Variants in DZIP3 observed in about 807,000 individuals in gnomAD.
The protein encoded by DZIP3 is DAZ interacting zinc finger protein 3, also known as E3 ubiquitin-protein ligase DZIP3.
Under a neutral mutation model 162.0 loss-of-function variants are expected in DZIP3, and 118 were observed. The observed-to-expected ratio is 0.73, with a 90% CI of 0.63 to 0.85. The LOEUF (loss-of-function observed/expected upper bound fraction) is 0.85, where lower values mean the gene tolerates loss of function less well. DZIP3 is among the 40% of genes least tolerant of loss of function. The pLI, the probability that DZIP3 is intolerant of heterozygous loss-of-function variation, is 0.00. For missense variants in DZIP3, 1,331 were observed against 1,407.0 expected (o/e 0.95, Z 0.86); for synonymous variants, 438 against 458.6 (o/e 0.96, Z 0.57).
At position 108,677,569 on chromosome 3, in the gene DZIP3, C is replaced by T; in HGVS notation, c.2854C>T (p.Pro952Ser). The T allele has an allele frequency of 6.2e-7, 1 of 1,612,604 alleles. No individual in the cohort carries two copies. The change falls in exon 26 of 33, where the codon CCT becomes TCT. Residue 952 changes from proline to serine, a missense_variant. Physicochemically the swap from Pro to Ser is moderately conservative, Grantham distance 74. Around this residue, in one of 2 missense-constraint regions of DZIP3, gnomAD observed 1,278 missense variants for 1,317.1 expected, o/e 0.97. Coordinates refer to ENST00000361582, the MANE Select transcript of DZIP3 (RefSeq NM_014648.4). ...ALSTLPPVQLPPPPPSPEILM... is the reference protein window; with the variant it reads ...ALSTLPPVQLSPPPPSPEILM... Reference sequence around the variant, plus strand: ...GAGTACCTTGCCTCCAGTCCAGCTTCCTCCTCCACCACCCAGTCCTGAGAT... The same window carrying T: ...GAGTACCTTGCCTCCAGTCCAGCTTTCTCCTCCACCACCCAGTCCTGAGAT...
At chr3:108,683,173 G>A (rs1944379727) in intron 26 of DZIP3, among the ~76,000 whole-genome samples, 1 of 150,480 alleles carries the variant, frequency 6.6e-6, no homozygotes, top group African/African-American at 2.5e-5. Flanking sequence ...TTATGCTTTA[G>A]GATATATCCT....
intron 21 of DZIP3, among the ~76,000 whole-genome samples, chr3:108,668,047 G>A (rs1380532650): frequency 6.6e-6 from 1 of 152,088 alleles, no homozygotes; most frequent in African/African-American, 2.4e-5. Flanking sequence ...AATTGTAAAT[G>A]TTGGCTTCTT....
intron 32 of DZIP3, 85 bp downstream of exon 32, chr3:108,690,988 T>C (rs932222233): frequency 3.6e-6 from 4 of 1,125,186 alleles, no homozygotes; most frequent in Non-Finnish European, 3.9e-6. Context: ...TGCTCTTCAA[T>C]ATAGTGCTAA....
chr3:108,632,846 G>A, intron 8 of DZIP3, 107 bp from the exon 9 acceptor site: 1 of 549,912 alleles, frequency 1.8e-6, no homozygotes, highest in Non-Finnish European at 2.9e-6. Context: ...ACTTCGAAAA[G>A]GGATATGATA....
chr3:108,685,091 A>C (rs1420920257), intron 27 of DZIP3, among the ~76,000 whole-genome samples: 2 of 152,122 alleles, frequency 1.3e-5, no homozygotes, highest in African/African-American at 4.8e-5. Context: ...TCCTTTTGAA[A>C]TACATGGTCA....
chr3:108,658,915 T>C (rs1211145124), intron 19 of DZIP3, among the ~76,000 whole-genome samples: 2 of 151,810 alleles, frequency 1.3e-5, no homozygotes, highest in East Asian at 1.9e-4. Context: ...TTCCTCGACA[T>C]ATACACCCTC....
At chr3:108,590,062 G>C (rs1206435965) in intron 1 of DZIP3, 11 of 152,202 alleles carry the variant, frequency 7.2e-5, no homozygotes, top group Admixed American at 5.2e-4. Flanking sequence ...GCCAGGTATT[G>C]CTCCGGAGGG....
At chr3:108,631,584 T>C (rs1238764939) in intron 8 of DZIP3, among the ~76,000 whole-genome samples, 20 of 26,646 alleles carry the variant, frequency 7.5e-4, no homozygotes, top group African/African-American at 4.2e-3. Context: ...TATTATTCCC[T>C]TTTTTTTTTT....
rs902070417 is a variant in DZIP3 at position 108,688,472 on chromosome 3, T to C, written c.3271-121T>C. 2.6e-5 allele frequency: 30 copies of C among 1,152,708 alleles called. No homozygotes were observed. The African/African-American group carries it at 3.9e-4, about 15-fold the overall frequency. The allele number at this position is 1,152,708 out of a possible 1,614,324, so 71.4% of individuals were successfully genotyped here. On this transcript the variant is annotated intron_variant, in intron 29 of 32. Transcript: ENST00000361582. ...TTGCCACCATTTTGTTCAAGATTTC[T>C]CACAAATCTGATTATTTACCCTTTT...
At chr3:108,621,684 T>G (rs1941353785) in intron 5 of DZIP3, among the ~76,000 whole-genome samples, 1 of 152,174 alleles carries the variant, frequency 6.6e-6, no homozygotes, top group Non-Finnish European at 1.5e-5. Flanking sequence ...AAAACCACTA[T>G]GGCAAGCAGT....
At position 108,647,930 on chromosome 3, in the gene DZIP3, C is replaced by G. The variant is rs189496341; in HGVS notation, c.1793-13C>G. 8 of 1,489,158 alleles carry G rather than the reference C, an allele frequency of 5.4e-6. No individual in the cohort carries two copies. The highest frequency in any genetic ancestry group is 7.1e-6 in the Non-Finnish European group (8 of 1,122,456). 92.2% of individuals were successfully genotyped at this position (1,489,158 alleles called of 1,614,324 possible). ...TTCATCTAGATTTTGAGAATTTTGT[C>G]TTTTATGTTTAGGTATTGAAATAGA... On this transcript the variant is annotated splice_polypyrimidine_tract_variant and intron_variant, in intron 15 of 32. Transcript: ENST00000361582.
At chr3:108,668,326 A>G (rs1038005877) in intron 21 of DZIP3, among the ~76,000 whole-genome samples, 8 of 152,122 alleles carry the variant, frequency 5.3e-5, no homozygotes, top group Non-Finnish European at 1.2e-4. Context: ...AAGAAAATCT[A>G]GTAATTTCAT....
chr3:108,688,801 A>C (rs1236143946), intron 30 of DZIP3, 22 bp from the exon 31 acceptor site: 49 of 1,614,030 alleles, frequency 3.0e-5, no homozygotes, highest in Non-Finnish European at 4.2e-5. Flanking sequence ...GCTAAATTTA[A>C]CATTTTCTGT....
chr3:108,598,667 CCT>C (rs1939834299), intron 1 of DZIP3, among the ~76,000 whole-genome samples: 1 of 152,088 alleles, frequency 6.6e-6, no homozygotes, highest in East Asian at 1.9e-4. Flanking sequence ...ATTCCCATTC[CCT>C]ATTTGATTAC....
chr3:108,591,763 C>T (rs541170961), intron 1 of DZIP3, among the ~76,000 whole-genome samples: 36 of 152,092 alleles, frequency 2.4e-4, no homozygotes, highest in Non-Finnish European at 4.6e-4. Flanking sequence ...TTTTGGGAGA[C>T]TAAGGCAGGA....
At chr3:108,621,526 G>C (rs897965776) in intron 5 of DZIP3, among the ~76,000 whole-genome samples, 1 of 152,108 alleles carries the variant, frequency 6.6e-6, no homozygotes, top group South Asian at 2.1e-4. Flanking sequence ...GAAAAAGTAG[G>C]GTTGGTATTT....
chr3:108,690,879 G>T lies in DZIP3; in HGVS notation c.3609G>T (p.Arg1203=). ...LPEEFPGHPS[R]QLPKI ...AAGAATTCCCTGGTCACCCCAGCCG[G>T]CAGTTGCCCAAGATCTGATACAAGG... is the stretch of plus-strand genomic sequence containing the variant. Residue 1203 remains arginine, a synonymous_variant, in exon 32 of 33, where the codon CGG becomes CGT. Coordinates refer to ENST00000361582, the MANE Select transcript of DZIP3 (RefSeq NM_014648.4). 1 of 1,614,100 alleles carries T rather than the reference G, an allele frequency of 6.2e-7. No homozygotes were observed. The highest frequency in any genetic ancestry group is 8.5e-7 in the Non-Finnish European group (1 of 1,179,986).
rs1941447109 is a variant in DZIP3 at position 108,623,255 on chromosome 3, C to T, written c.376-1189C>T. On this transcript the variant is annotated intron_variant, in intron 5 of 32. Transcript: ENST00000361582. ...AGCAGAAAGGCATCTCTCACCATAG[C>T]CACCACAGCTGGGAATGTGTTGGGT... 1.3e-5 allele frequency among the ~76,000 whole-genome samples: 2 copies of T among 152,062 alleles called. 1 individual carries two copies. The highest frequency in any genetic ancestry group is 4.2e-4 in the South Asian group (2 of 4,814).
chr3:108,654,515 T>G, intron 19 of DZIP3: 1 of 518,914 alleles, frequency 1.9e-6, no homozygotes. Context: ...GAAACTTCAC[T>G]TTAGCCCTCA....
Sources: gnomAD v4.1 joint callset for allele counts (sites outside exome capture counted in the v4.1 genomes callset) on GRCh38, gnomAD v4.1.1 for gene constraint, gnomAD v4.1.1 regional missense constraint, MANE v1.5 for transcripts, NCBI Gene and HGNC (gene_info 2026-07-23, HGNC 2026-07-21) for gene names.